MAPKAPK5: variants seen among roughly 807,000 people sequenced by gnomAD.
The protein encoded by MAPKAPK5 is MAP kinase-activated protein kinase 5.
In MAPKAPK5, 30 loss-of-function variants were observed where a neutral mutation model predicts 65.1. That is an observed-to-expected ratio of 0.46 (90% CI 0.34 to 0.63). MAPKAPK5 has a LOEUF of 0.63. MAPKAPK5 is among the 20% of genes least tolerant of loss of function. The probability of loss-of-function intolerance (pLI) is 0.01; values close to 1 mark genes in which losing one functional copy is unlikely to be tolerated. For synonymous variants in MAPKAPK5, 179 were observed against 204.6 expected (o/e 0.87, Z 1.07); for missense variants, 433 against 581.4 (o/e 0.74, Z 2.63).
chr12:111,889,258 G>T, intron 12 of MAPKAPK5: 2 of 394,800 alleles, frequency 5.1e-6, no homozygotes, highest in Non-Finnish European at 9.1e-6. Flanking sequence ...TTAATTGGCA[G>T]TGTCAGGTGC....
At position 111,883,795 on chromosome 12, in the gene MAPKAPK5, A is replaced by C. The variant is rs1234373387; in HGVS notation, c.848+27A>C. On this transcript the variant is annotated intron_variant, in intron 9 of 13. Transcript: ENST00000550735. The surrounding 1 kb of genome is among the most constrained non-coding windows in gnomAD (Gnocchi z 4.8). ...TGAGTTCACGGGCTGCTGGGCATGG[A>C]GGCCAAGGAGGCCTCCAGGTGGTGG... The C allele has an allele frequency of 1.9e-6, 3 of 1,604,314 alleles. No homozygotes were observed. Among genetic ancestry groups the C allele is most frequent in the Non-Finnish European group, 2.6e-6 (3 of 1,175,870 alleles).
Position 111,900,326 on chromosome 12 carries a change from T to G in MAPKAPK5, c.*7265T>G, listed in dbSNP as rs770320615. ...CGGCAGCTGTTGAATCCTTCCATCA[T>G]GAAGATGTGCTGTTGTTTGCAGCCC... On this transcript the variant is annotated 3_prime_UTR_variant, in exon 14 of 14. Coordinates refer to ENST00000550735, the MANE Select transcript of MAPKAPK5 (RefSeq NM_003668.4). 1 of 456,072 alleles carries G rather than the reference T, an allele frequency of 2.2e-6. No individual in the cohort carries two copies. The highest frequency in any genetic ancestry group is 1.5e-5 in the South Asian group (1 of 64,566). The allele number at this position is 456,072 out of a possible 1,614,324, so 28.3% of individuals were successfully genotyped here.
At position 111,883,504 on chromosome 12, in the gene MAPKAPK5, T is replaced by C. The variant is rs945281961; in HGVS notation, c.661-77T>C. The C allele has an allele frequency of 3.1e-6, 4 of 1,285,684 alleles. No individual in the cohort carries two copies. The highest frequency in any genetic ancestry group is 3.9e-5 in the Admixed American group (2 of 51,524). The allele number at this position is 1,285,684 out of a possible 1,614,324, so 79.6% of individuals were successfully genotyped here. A position where few individuals can be genotyped will look rare whatever the true frequency, so the allele number is the denominator to read the frequency against. On this transcript the variant is annotated intron_variant, in intron 8 of 13. Transcript: ENST00000550735. This position sits in a 1 kb window ranked among gnomAD's most constrained non-coding sequence, Gnocchi z 4.8. ...ATCAGCCTATATATTGCAGGGGCTA[T>C]TCCTGAGCCTGTCATGGGGTGTTTA...
rs2070752030 is a variant in MAPKAPK5 at position 111,895,067 on chromosome 12, AAGAATTACCTTATTAC to A, written c.*2008_*2023del. The A allele has an allele frequency of 1.3e-5, 2 of 150,458 alleles. No homozygotes were observed. Among genetic ancestry groups the A allele is most frequent in the Admixed American group, 1.3e-4 (2 of 15,136 alleles). The allele number at this position is 150,458 out of a possible 1,614,324, so 9.3% of individuals were successfully genotyped here. ...ATAGATGATAAAAAACAAGTGTCTTAAGAATTACCTTATTACATTGCTTCCTTTTTTTTTTTTTTTT... is the reference window on the plus strand; with the variant it reads ...ATAGATGATAAAAAACAAGTGTCTTAATTGCTTCCTTTTTTTTTTTTTTTT... On this transcript the variant is annotated 3_prime_UTR_variant, in exon 14 of 14. Transcript: ENST00000550735.
intron 1 of MAPKAPK5, chr12:111,843,061 G>C: frequency 2.5e-6 from 1 of 398,698 alleles, no homozygotes; most frequent in Non-Finnish European, 4.4e-6. Flanking sequence ...GGGACGAAGA[G>C]AGCCCTACTA....
At chr12:111,854,220 CTTTTCTTTTTCT>C (rs550550879) in intron 1 of MAPKAPK5, among the ~76,000 whole-genome samples, 184 of 150,722 alleles carry the variant, frequency 1.2e-3, no homozygotes, top group African/African-American at 3.9e-3. Context: ...TAAAGATTTT[CTTTTCTTTTTCT>C]TTTTCTTTTT....
Position 111,893,216 on chromosome 12 carries a change from ATTGT to A in MAPKAPK5, c.*162_*165del, listed in dbSNP as rs1442048441. On this transcript the variant is annotated 3_prime_UTR_variant, in exon 14 of 14. Coordinates refer to ENST00000550735, the MANE Select transcript of MAPKAPK5 (RefSeq NM_003668.4). ...TGCAGGACTTAATAATAGTATAGTT[ATTGT>A]TTGTTTTTAAGAAAAGCTCAGTTCT... is the stretch of plus-strand genomic sequence containing the variant. 1 of 465,496 alleles carries A rather than the reference ATTGT, an allele frequency of 2.1e-6. No homozygotes were observed. Among genetic ancestry groups the A allele is most frequent in the Middle Eastern group, 6.3e-4 (1 of 1,586 alleles). The allele number at this position is 465,496 out of a possible 1,614,324, so 28.8% of individuals were successfully genotyped here. A position where few individuals can be genotyped will look rare whatever the true frequency, so the allele number is the denominator to read the frequency against.
At position 111,868,832 on chromosome 12, in the gene MAPKAPK5, G is replaced by T; in HGVS notation, c.364G>T (p.Glu122Ter). 1 of 1,564,006 alleles carries T rather than the reference G, an allele frequency of 6.4e-7. No homozygotes were observed. The highest frequency in any genetic ancestry group is 2.4e-5 in the East Asian group (1 of 41,876). Residue 122 changes from glutamate to a stop codon, truncating the protein, a stop_gained, in exon 5 of 14, where the codon GAG becomes TAG. Coordinates refer to ENST00000550735, the MANE Select transcript of MAPKAPK5 (RefSeq NM_003668.4). LOFTEE classifies it high-confidence loss of function. ...HRISQHRHFT[E>*]KQASQVTKQI... ...AATCAGCCAGCACCGGCACTTTACA[G>T]AGAAGCAAGCCAGCCAAGTAACAAA...
At position 111,883,155 on chromosome 12, in the gene MAPKAPK5, G is replaced by A. The variant is rs1044456736; in HGVS notation, c.661-426G>A. On this transcript the variant is annotated intron_variant, in intron 8 of 13. Transcript: ENST00000550735. This position sits in a 1 kb window ranked among gnomAD's most constrained non-coding sequence, Gnocchi z 4.8. ...TGGGAGGCCAAGGCGGGCAGATCAC[G>A]AGGTCAGGAGTTCGAGACCAACCTG... is the stretch of plus-strand genomic sequence containing the variant. 3.9e-5 allele frequency among the ~76,000 whole-genome samples: 6 copies of A among 152,068 alleles called. No homozygotes were observed. Among genetic ancestry groups the A allele is most frequent in the African/African-American group, 1.2e-4 (5 of 41,386 alleles).
intron 1 of MAPKAPK5, among the ~76,000 whole-genome samples, chr12:111,862,881 C>A (rs959923615): frequency 5.3e-5 from 8 of 152,144 alleles, no homozygotes; most frequent in Non-Finnish European, 5.9e-5. Context: ...TGCTTAAATT[C>A]TGCTTCAACT....
intron 7 of MAPKAPK5, among the ~76,000 whole-genome samples, chr12:111,878,408 A>ATTATTTAT (rs200069361): frequency 2.2e-4 from 33 of 150,270 alleles, no homozygotes; most frequent in African/African-American, 3.4e-4. Flanking sequence ...CTATTTATTT[A>ATTATTTAT]TTATTTATTT....
In MAPKAPK5 at chr12:111,870,255, TTG is replaced by T; in HGVS notation, c.394-12_394-11del. The T allele has an allele frequency of 3.8e-6, 6 of 1,573,996 alleles. No individual in the cohort carries two copies. The highest frequency in any genetic ancestry group is 4.4e-6 in the Non-Finnish European group (5 of 1,147,744). On this transcript the variant is annotated splice_polypyrimidine_tract_variant and intron_variant, in intron 5 of 13. Transcript: ENST00000550735. Reference sequence around the variant, plus strand: ...TCTTTTCTAAGAAGCGACTGTTTCATTGTGTCTTTTTTCAGATAGCTTTGGCT... The same window carrying T: ...TCTTTTCTAAGAAGCGACTGTTTCATTGTCTTTTTTCAGATAGCTTTGGCT...
intron 1 of MAPKAPK5, among the ~76,000 whole-genome samples, chr12:111,862,475 C>G (rs1018419297): frequency 6.6e-6 from 1 of 151,974 alleles, no homozygotes; most frequent in African/African-American, 2.4e-5. Flanking sequence ...CCAAGGTGGG[C>G]GGATCACCTG....
chr12:111,895,676 ACACAC>A lies in MAPKAPK5; in HGVS notation c.*2619_*2623del, dbSNP rs1196061907. The A allele has an allele frequency of 2.0e-5, 3 of 151,720 alleles. No individual in the cohort carries two copies. Among genetic ancestry groups the A allele is most frequent in the Non-Finnish European group, 4.4e-5 (3 of 68,020 alleles). The allele number at this position is 151,720 out of a possible 1,614,324, so 9.4% of individuals were successfully genotyped here. ...CTTCCAAGTAGCTGGGACTACAGGC[ACACAC>A]CACCACGCCCAGCTAATTTTTGTGT... On this transcript the variant is annotated 3_prime_UTR_variant, in exon 14 of 14. Transcript: ENST00000550735.
At position 111,901,047 on chromosome 12, in the gene MAPKAPK5, T is replaced by C. The variant is rs1357236093; in HGVS notation, c.*7986T>C. On this transcript the variant is annotated 3_prime_UTR_variant, in exon 14 of 14. Coordinates refer to ENST00000550735, the MANE Select transcript of MAPKAPK5 (RefSeq NM_003668.4). ...TATATTTTGTGGGAAACTTATATGT[T>C]CAGGTATTACAGGCTTACCAAAAAT... 1 of 456,038 alleles carries C rather than the reference T, an allele frequency of 2.2e-6. No homozygotes were observed. The highest frequency in any genetic ancestry group is 4.4e-6 in the Non-Finnish European group (1 of 226,784). 28.2% of individuals were successfully genotyped at this position (456,038 alleles called of 1,614,324 possible). A position where few individuals can be genotyped will look rare whatever the true frequency, so the allele number is the denominator to read the frequency against.
Position 111,888,934 on chromosome 12 carries a change from G to A in MAPKAPK5, c.1150G>A (p.Glu384Lys), listed in dbSNP as rs1328444434. Residue 384 changes from glutamate (E) to lysine (K), a missense_variant, in exon 12 of 14, where the codon GAG becomes AAG. Glu to Lys is a moderately conservative substitution (Grantham distance 56). This residue lies in a region of MAPKAPK5 where 169 missense variants were observed against 215.6 expected (regional missense o/e 0.78). Coordinates refer to ENST00000550735, the MANE Select transcript of MAPKAPK5 (RefSeq NM_003668.4). The stretch of plus-strand genomic sequence containing the variant: ...TATCCACGACCATGAGAATGGAGCC[G>A]AGGATTCCAATGTTGCCTTGGAAAA... ...VYIHDHENGA[E>K]DSNVALEKLR... is the part of the protein sequence containing the mutation. 33 of 1,612,900 alleles carry A rather than the reference G, an allele frequency of 2.0e-5. No individual in the cohort carries two copies. The highest frequency in any genetic ancestry group is 5.3e-5 in the African/African-American group (4 of 74,888).
In MAPKAPK5 at chr12:111,871,165, T is replaced by C. The variant is rs373894565; in HGVS notation, c.564T>C (p.Tyr188=). ...GDLMTPQFTP[Y]YVAPQVLEAQ... ...TGATGACACCCCAGTTCACCCCTTA[T>C]TATGTAGCACCCCAGGTAAGCATGT... is the stretch of plus-strand genomic sequence containing the variant. Residue 188 remains tyrosine, a synonymous_variant, in exon 7 of 14, where the codon TAT becomes TAC. Transcript: ENST00000550735. 5 of 1,613,608 alleles carry C rather than the reference T, an allele frequency of 3.1e-6. No individual in the cohort carries two copies. The highest frequency in any genetic ancestry group is 4.2e-6 in the Non-Finnish European group (5 of 1,179,806).
chr12:111,882,426 G>T (rs566682110), intron 8 of MAPKAPK5, among the ~76,000 whole-genome samples: 1 of 152,240 alleles, frequency 6.6e-6, no homozygotes, highest in South Asian at 2.1e-4. Context: ...CCATTATTCA[G>T]CCTTTATGCA....
rs2136090543 is a variant in MAPKAPK5, at chr12:111,858,932, TCGG to T, written c.37-6316_37-6314del. 1.4e-5 allele frequency among the ~76,000 whole-genome samples: 2 copies of T among 148,134 alleles called. 1 individual carries two copies. The highest frequency in any genetic ancestry group is 4.5e-4 in the South Asian group (2 of 4,476). ...GGTTCCTCTTCATTTTTTCTGTTTCTCGGCTGAAAATCTCTATTTATCATTATT... is the reference window on the plus strand; with the variant it reads ...GGTTCCTCTTCATTTTTTCTGTTTCTCTGAAAATCTCTATTTATCATTATT... On this transcript the variant is annotated intron_variant, in intron 1 of 13. Transcript: ENST00000550735.
Sources: gnomAD v4.1 joint callset for allele counts (sites outside exome capture counted in the v4.1 genomes callset) on GRCh38, gnomAD v4.1.1 for gene constraint, gnomAD v4.1.1 regional missense constraint, Gnocchi (gnomAD v3.1) non-coding constraint, MANE v1.5 for transcripts, NCBI Gene and HGNC (gene_info 2026-07-23, HGNC 2026-07-21) for gene names.